The following ZRANB3 variants were observed in gnomAD, a reference collection of about 807,000 sequenced individuals.
The protein encoded by ZRANB3 is zinc finger RANBP2-type containing 3.
ZRANB3 carries 125 observed loss-of-function variants against 133.8 expected under a neutral mutation model. The ratio of observed to expected loss-of-function variants is 0.93; its 90% confidence interval spans 0.81 to 1.08. The LOEUF (loss-of-function observed/expected upper bound fraction) is 1.08. Among genes scored for constraint, ZRANB3 ranks in the 50% least tolerant of loss-of-function variants. The pLI is 0.00. For synonymous variants in ZRANB3, 387 were observed against 432.7 expected, an observed-to-expected ratio of 0.89 and a Z score of 1.31; for missense variants, 1,229 against 1,275.5, an observed-to-expected ratio of 0.96 and a Z score of 0.56.
chr2:135,374,132 CT>C (rs1262496205), intron 3 of ZRANB3, among the ~76,000 whole-genome samples: 1 of 152,132 alleles, frequency 6.6e-6, no homozygotes, highest in African/African-American at 2.4e-5. Context: ...TTGTGAAGTG[CT>C]TTACTCTATC....
intron 10 of ZRANB3, among the ~76,000 whole-genome samples, chr2:135,270,673 C>T (rs900394849): frequency 6.6e-6 from 1 of 152,090 alleles, no homozygotes; most frequent in Non-Finnish European, 1.5e-5. Flanking sequence ...TTGAGACAAC[C>T]CTCCTTTTGG....
At chr2:135,267,581 CAAT>C (rs1408105848) in intron 11 of ZRANB3, among the ~76,000 whole-genome samples, 2 of 152,154 alleles carry the variant, frequency 1.3e-5, no homozygotes, top group East Asian at 3.9e-4. Flanking sequence ...CAAACCATAG[CAAT>C]AATTATCCAA....
intron 2 of ZRANB3, among the ~76,000 whole-genome samples, chr2:135,500,963 A>G: frequency 6.6e-6 from 1 of 152,142 alleles, no homozygotes. Flanking sequence ...AGCAGACAAA[A>G]CAAATGGGGG....
intron 10 of ZRANB3, among the ~76,000 whole-genome samples, chr2:135,269,794 T>C (rs1680424535): frequency 1.3e-5 from 2 of 152,110 alleles, no homozygotes; most frequent in African/African-American, 4.8e-5. Context: ...AACTAAAAAA[T>C]GTGTCCAAAA....
chr2:135,386,124 G>A (rs1007915312), intron 3 of ZRANB3, among the ~76,000 whole-genome samples: 4 of 151,800 alleles, frequency 2.6e-5, no homozygotes, highest in Admixed American at 6.6e-5. Flanking sequence ...AGAATCTACA[G>A]AGAACTCAAA....
chr2:135,386,758 C>T (rs1054545412), intron 3 of ZRANB3, among the ~76,000 whole-genome samples: 1 of 152,000 alleles, frequency 6.6e-6, no homozygotes, highest in East Asian at 1.9e-4. Context: ...AACTAAACAC[C>T]GCATGTTCTC....
intron 3 of ZRANB3, among the ~76,000 whole-genome samples, chr2:135,377,973 A>C (rs1160514024): frequency 6.6e-6 from 1 of 152,198 alleles, no homozygotes; most frequent in Non-Finnish European, 1.5e-5. Context: ...CTAGCCTCCC[A>C]GCCTGTATCT....
chr2:135,433,423 CAA>C (rs1313990954), intron 2 of ZRANB3, among the ~76,000 whole-genome samples: 1 of 152,042 alleles, frequency 6.6e-6, no homozygotes, highest in East Asian at 1.9e-4. Context: ...GCAAAGAAAT[CAA>C]AGTTTAAAAA....
chr2:135,480,100 A>ATT (rs371237620), intron 2 of ZRANB3, among the ~76,000 whole-genome samples: 26 of 141,570 alleles, frequency 1.8e-4, no homozygotes, highest in African/African-American at 5.7e-4. Context: ...TGTCAGGCTA[A>ATT]TTTTTTTTTT....
chr2:135,518,322 G>A (rs1693784426), intron 1 of ZRANB3, among the ~76,000 whole-genome samples: 2 of 152,156 alleles, frequency 1.3e-5, no homozygotes, highest in Admixed American at 1.3e-4. Flanking sequence ...AACTCCTGCA[G>A]CTAGCTTGGT....
At chr2:135,511,087 A>T in intron 1 of ZRANB3, 1 of 770,000 alleles carries the variant, frequency 1.3e-6, no homozygotes, top group Middle Eastern at 2.8e-4. Context: ...TCAGGCTTAG[A>T]CTCTGTACAG....
intron 2 of ZRANB3, among the ~76,000 whole-genome samples, chr2:135,394,012 C>T (rs905930396): frequency 3.3e-5 from 5 of 151,730 alleles, no homozygotes; most frequent in Non-Finnish European, 5.9e-5. Context: ...CGCCCGCCAC[C>T]ATGCCCAGCT....
At chr2:135,339,610 CA>C (rs1684538538) in intron 6 of ZRANB3, among the ~76,000 whole-genome samples, 1 of 152,106 alleles carries the variant, frequency 6.6e-6, no homozygotes, top group South Asian at 2.1e-4. Context: ...ATGGTATAGC[CA>C]TAACATTCCT....
intron 2 of ZRANB3, among the ~76,000 whole-genome samples, chr2:135,462,784 G>C (rs1218547929): frequency 6.6e-6 from 1 of 151,964 alleles, no homozygotes; most frequent in Non-Finnish European, 1.5e-5. Flanking sequence ...GTAGAGACAG[G>C]GTTTCGCCAT....
At chr2:135,479,752 T>C (rs538173480) in intron 2 of ZRANB3, among the ~76,000 whole-genome samples, 2 of 152,174 alleles carry the variant, frequency 1.3e-5, no homozygotes, top group African/African-American at 2.4e-5. Flanking sequence ...GACACTCTTA[T>C]GGGACCCACC....
At chr2:135,290,452 T>A (rs767563806) in intron 8 of ZRANB3, among the ~76,000 whole-genome samples, 9 of 152,228 alleles carry the variant, frequency 5.9e-5, no homozygotes, top group Non-Finnish European at 8.8e-5. Context: ...ATGGACTATC[T>A]TTTTGCACCG....
intron 2 of ZRANB3, among the ~76,000 whole-genome samples, chr2:135,426,897 T>TAC (rs2104976685): frequency 2.4e-5 from 2 of 85,008 alleles, no homozygotes; most frequent in South Asian, 8.7e-4. Flanking sequence ...TATATATATA[T>TAC]ATATATATAT....
intron 8 of ZRANB3, among the ~76,000 whole-genome samples, chr2:135,298,396 C>G (rs1477343481): frequency 1.3e-5 from 2 of 152,104 alleles, no homozygotes; most frequent in African/African-American, 4.8e-5. Context: ...AAGAACCTTG[C>G]TTTGTCATAT....
intron 8 of ZRANB3, among the ~76,000 whole-genome samples, chr2:135,283,032 C>G (rs1390458829): frequency 6.6e-6 from 1 of 152,184 alleles, no homozygotes; most frequent in Non-Finnish European, 1.5e-5. Context: ...TGTTTATAAT[C>G]CCAGCACTTT....
Sources: allele counts gnomAD v4.1 joint callset (sites outside exome capture counted in the v4.1 genomes callset), GRCh38; gene constraint gnomAD v4.1.1; transcripts MANE v1.5; gene names NCBI Gene and HGNC (gene_info 2026-07-23, HGNC 2026-07-21).